Variants in ZDHHC14 observed in about 807,000 individuals in gnomAD.
ZDHHC14 encodes palmitoyltransferase ZDHHC14.
Under a neutral mutation model 47.7 loss-of-function variants are expected in ZDHHC14, and 16 were observed. That is an observed-to-expected ratio of 0.34 (90% confidence interval 0.23 to 0.51). ZDHHC14 has a LOEUF of 0.51. Ranked by LOEUF, ZDHHC14 falls within the 20% of genes least tolerant of loss-of-function variation. ZDHHC14 has a pLI of 0.97. For missense variants in ZDHHC14, 515 were observed against 662.5 expected (o/e 0.78, Z 2.44); for synonymous variants, 293 against 278.9 (o/e 1.05, Z -0.50).
In ZDHHC14 at chr6:157,645,423, G is replaced by T. The variant is rs557447811; in HGVS notation, c.753-314G>T. Among the ~76,000 whole-genome samples, 3 of 152,256 alleles carry T rather than the reference G, an allele frequency of 2.0e-5. No individual in the cohort carries two copies. In the East Asian group the frequency reaches 5.8e-4, roughly 29 times the overall value. On this transcript the variant is annotated intron_variant, in intron 5 of 8. Coordinates refer to ENST00000359775, the MANE Select transcript of ZDHHC14 (RefSeq NM_024630.3). Reference sequence around the variant, plus strand: ...CCACAGTCGCTGGCTCCACAGTGAGGCACAGAAAAAGGTGAAGTTCAAGTA... The same window carrying T: ...CCACAGTCGCTGGCTCCACAGTGAGTCACAGAAAAAGGTGAAGTTCAAGTA...
chr6:157,573,356 C>T (rs890670455), intron 2 of ZDHHC14, among the ~76,000 whole-genome samples: 5 of 152,226 alleles, frequency 3.3e-5, no homozygotes, highest in Admixed American at 2.0e-4. Context: ...CCAGCATGTA[C>T]CCAGTGGCAG....
At chr6:157,654,243 A>G (rs1329802914) in intron 8 of ZDHHC14, among the ~76,000 whole-genome samples, 1 of 152,070 alleles carries the variant, frequency 6.6e-6, no homozygotes, top group African/African-American at 2.4e-5. Context: ...GCAGGTTTCC[A>G]GCGTGCAGGT....
intron 5 of ZDHHC14, among the ~76,000 whole-genome samples, chr6:157,633,883 C>G (rs545680797): frequency 1.3e-5 from 2 of 152,142 alleles, no homozygotes; most frequent in Non-Finnish European, 2.9e-5. Flanking sequence ...AAACTGCTGA[C>G]CTCAGGTGAT....
chr6:157,490,789 C>T (rs1415005505), intron 1 of ZDHHC14, among the ~76,000 whole-genome samples: 4 of 152,210 alleles, frequency 2.6e-5, no homozygotes, highest in African/African-American at 9.6e-5. Context: ...GCCAGCAGAT[C>T]TCAGGGCAGT....
intron 3 of ZDHHC14, among the ~76,000 whole-genome samples, chr6:157,604,687 G>A (rs1784467566): frequency 6.6e-6 from 1 of 152,124 alleles, no homozygotes; most frequent in Admixed American, 6.5e-5. Context: ...GGGACTACAG[G>A]CACGTGTCAC....
In ZDHHC14 at chr6:157,562,305, G is replaced by A. The variant is rs961035300; in HGVS notation, c.406+19560G>A. Among the ~76,000 whole-genome samples the A allele has an allele frequency of 2.0e-5, 3 of 152,170 alleles. No individual in the cohort carries two copies. The East Asian group carries it at 5.8e-4, about 29-fold the overall frequency. On this transcript the variant is annotated intron_variant, in intron 2 of 8. Transcript: ENST00000359775. Reference sequence around the variant, plus strand: ...TGGGGACCAGGGATGCCCAACTGGGGTTTAGCCGTGAGAACAGCTGGTGCA... The same window carrying A: ...TGGGGACCAGGGATGCCCAACTGGGATTTAGCCGTGAGAACAGCTGGTGCA...
intron 1 of ZDHHC14, among the ~76,000 whole-genome samples, chr6:157,392,952 T>C (rs531247807): frequency 1.3e-5 from 2 of 152,150 alleles, no homozygotes; most frequent in African/African-American, 2.4e-5. Context: ...CCATCTCGGC[T>C]CACCACAACC....
rs764571174 is a variant in ZDHHC14, at chr6:157,672,706, G to A, written c.1069-18G>A. The A allele has an allele frequency of 2.5e-6, 4 of 1,601,412 alleles. No individual in the cohort carries two copies. In the East Asian group the frequency reaches 6.8e-5, roughly 27 times the overall value. On this transcript the variant is annotated intron_variant, in intron 8 of 8. Transcript: ENST00000359775. ...CCTCCTCTCCACCTTCTCTTTGCTG[G>A]CGCCTCCCGCTCTCCAGTGCGACCA...
intron 2 of ZDHHC14, among the ~76,000 whole-genome samples, chr6:157,560,399 C>T (rs543135230): frequency 1.8e-4 from 28 of 152,296 alleles, no homozygotes; most frequent in East Asian, 5.8e-4. Context: ...CTTCTGTAAA[C>T]GCCACGTTGT....
chr6:157,439,727 C>G (rs1316297991), intron 1 of ZDHHC14, among the ~76,000 whole-genome samples: 1 of 152,182 alleles, frequency 6.6e-6, no homozygotes, highest in Admixed American at 6.5e-5. Context: ...CATTGCAGCA[C>G]TATTCACGAT....
rs1783553045 is a variant in ZDHHC14 at position 157,582,524 on chromosome 6, G to A, written c.407-10464G>A. Among the ~76,000 whole-genome samples the A allele has an allele frequency of 6.6e-6, 1 of 151,670 alleles. No homozygotes were observed. The highest frequency in any genetic ancestry group is 6.6e-5 in the Admixed American group (1 of 15,258). The stretch of plus-strand genomic sequence containing the variant: ...TGGCCGGATATGAAATTCTTGGTTG[G>A]AAATTCTTTTCTTTAAGAATGCTGA... On this transcript the variant is annotated intron_variant, in intron 2 of 8. Transcript: ENST00000359775. The surrounding 1 kb of genome is among the most constrained non-coding windows in gnomAD (Gnocchi z 4.3).
chr6:157,634,289 G>C (rs901059027), intron 5 of ZDHHC14, among the ~76,000 whole-genome samples: 1 of 152,130 alleles, frequency 6.6e-6, no homozygotes, highest in Admixed American at 6.5e-5. Flanking sequence ...GGGACTTGGA[G>C]GATAAATTCA....
intron 1 of ZDHHC14, among the ~76,000 whole-genome samples, chr6:157,511,992 A>G (rs1452105268): frequency 1.3e-5 from 2 of 152,188 alleles, no homozygotes; most frequent in Non-Finnish European, 2.9e-5. Context: ...CATGAACAAC[A>G]TGCTCGAAAT....
At chr6:157,492,941 A>AAGGATACAAGG (rs2114729675) in intron 1 of ZDHHC14, among the ~76,000 whole-genome samples, 1 of 152,218 alleles carries the variant, frequency 6.6e-6, no homozygotes, top group South Asian at 2.1e-4. Context: ...GCAGGGAGGG[A>AAGGATACAAGG]AGGATACAAG....
At chr6:157,647,996 A>G (rs1777644367) in intron 7 of ZDHHC14, among the ~76,000 whole-genome samples, 1 of 152,198 alleles carries the variant, frequency 6.6e-6, no homozygotes, top group Non-Finnish European at 1.5e-5. Flanking sequence ...AAAGTGAGGC[A>G]CAGAGTTTAA....
chr6:157,593,057 G>T lies in ZDHHC14; in HGVS notation c.476G>T (p.Gly159Val). 1 of 1,614,174 alleles carries T rather than the reference G, an allele frequency of 6.2e-7. No individual in the cohort carries two copies. The change falls in exon 3 of 9, where the codon GGC (glycine) becomes GTC (valine). Residue 159 changes from glycine (G) to valine (V), a missense_variant. This residue lies in a region of ZDHHC14 where 229 missense variants were observed against 351.5 expected (regional missense o/e 0.65). Coordinates refer to ENST00000359775, the MANE Select transcript of ZDHHC14 (RefSeq NM_024630.3). ...PPRTKEVIINGQTVKLKYCFT... is the reference protein window; with the variant it reads ...PPRTKEVIINVQTVKLKYCFT... ...AGAACCAAAGAAGTCATCATCAATG[G>T]CCAGACCGTGAAACTTAAATACTGT...
At chr6:157,617,958 G>C (rs1785033296) in intron 3 of ZDHHC14, among the ~76,000 whole-genome samples, 1 of 152,200 alleles carries the variant, frequency 6.6e-6, no homozygotes, top group African/African-American at 2.4e-5. Flanking sequence ...AAATGCGTCA[G>C]CCATTCCGAG....
chr6:157,514,792 G>A (rs1040116080), intron 1 of ZDHHC14, among the ~76,000 whole-genome samples: 1 of 152,144 alleles, frequency 6.6e-6, no homozygotes, highest in African/African-American at 2.4e-5. Context: ...CCAAGCCACC[G>A]ATGGTATAGG....
At chr6:157,596,659 C>G (rs899621100) in intron 3 of ZDHHC14, among the ~76,000 whole-genome samples, 5 of 152,164 alleles carry the variant, frequency 3.3e-5, no homozygotes, top group South Asian at 2.1e-4. Flanking sequence ...ATACTGGAAC[C>G]TGGCAAGTTG....
Sources: allele counts gnomAD v4.1 joint callset (sites outside exome capture counted in the v4.1 genomes callset), GRCh38; gene constraint gnomAD v4.1.1; regional missense constraint gnomAD v4.1.1; non-coding constraint Gnocchi (gnomAD v3.1); transcripts MANE v1.5; gene names NCBI Gene and HGNC (gene_info 2026-07-23, HGNC 2026-07-21).